CDH8: variants seen among roughly 807,000 people sequenced by gnomAD.
CDH8 encodes cadherin 8, also known as cadherin-8.
In CDH8, 17 loss-of-function variants were observed where a neutral mutation model predicts 68.1. The ratio of observed to expected loss-of-function variants is 0.25; its 90% CI spans 0.17 to 0.37. The LOEUF (loss-of-function observed/expected upper bound fraction) is 0.37, where lower values mean the gene tolerates loss of function less well. CDH8 is among the 10% of genes least tolerant of loss of function. The pLI is 1.00. For synonymous variants in CDH8, 372 were observed against 365.1 expected, an observed-to-expected ratio of 1.02 and a Z score of -0.21; for missense variants, 763 against 999.3, an observed-to-expected ratio of 0.76 and a Z score of 3.19.
intron 4 of CDH8, among the ~76,000 whole-genome samples, chr16:61,827,779 T>C (rs1197272969): frequency 6.6e-6 from 1 of 151,782 alleles, no homozygotes; most frequent in Admixed American, 6.6e-5. Context: ...AGTTGACTCT[T>C]GAACAACACG....
rs533910104 is a variant in CDH8, at chr16:62,017,686, A to G, written c.252+3466T>C. 2.4e-4 allele frequency among the ~76,000 whole-genome samples: 36 copies of G among 152,218 alleles called. 1 individual carries two copies. Among genetic ancestry groups the G allele is most frequent in the African/African-American group, 8.4e-4 (35 of 41,530 alleles). On this transcript the variant is annotated intron_variant, in intron 2 of 11. Coordinates refer to ENST00000577390, the MANE Select transcript of CDH8 (RefSeq NM_001796.5). ...CAAGACCTTATCTTAAAAAGAAACC[A>G]ATATATTTGACCACTAACTTCATTC...
chr16:61,954,398 T>C (rs926742651), intron 2 of CDH8, among the ~76,000 whole-genome samples: 1 of 152,130 alleles, frequency 6.6e-6, no homozygotes, highest in Non-Finnish European at 1.5e-5. Flanking sequence ...GTTTTAAATA[T>C]CTTTGTATCC....
chr16:61,837,032 T>C (rs1962583452), intron 4 of CDH8, among the ~76,000 whole-genome samples: 2 of 152,078 alleles, frequency 1.3e-5, no homozygotes, highest in South Asian at 4.1e-4. Flanking sequence ...ACAAGTCCTG[T>C]TTTTGAAATC....
At chr16:61,732,447 G>A (rs1357284165) in intron 8 of CDH8, among the ~76,000 whole-genome samples, 1 of 151,820 alleles carries the variant, frequency 6.6e-6, no homozygotes, top group African/African-American at 2.4e-5. Context: ...TAAAGGAAGT[G>A]AGAAAACAGT....
chr16:61,693,964 C>A (rs1207169448), intron 10 of CDH8, among the ~76,000 whole-genome samples: 1 of 152,048 alleles, frequency 6.6e-6, no homozygotes, highest in Non-Finnish European at 1.5e-5. Context: ...AATGCTTTAC[C>A]TCATTATCAT....
At chr16:61,908,767 A>G (rs1262032248) in intron 2 of CDH8, among the ~76,000 whole-genome samples, 1 of 152,192 alleles carries the variant, frequency 6.6e-6, no homozygotes, top group Non-Finnish European at 1.5e-5. Flanking sequence ...AATCTAAATA[A>G]GGCAAATATA....
chr16:61,757,411 T>C (rs1327265140), intron 8 of CDH8, among the ~76,000 whole-genome samples: 1 of 152,132 alleles, frequency 6.6e-6, no homozygotes, highest in Non-Finnish European at 1.5e-5. Flanking sequence ...GATAAAATAT[T>C]ATCATTTGAT....
In CDH8 at chr16:61,666,514, T is replaced by C. The variant is rs556480732; in HGVS notation, c.1655-10793A>G. On this transcript the variant is annotated intron_variant, in intron 10 of 11. Transcript: ENST00000577390. ...CTATTTATTTAAAATTATTGAGCTA[T>C]GACTTTTGGTTGTCCTTTTAGATGC... is the stretch of plus-strand genomic sequence containing the variant. 3.1e-3 allele frequency among the ~76,000 whole-genome samples: 474 copies of C among 152,122 alleles called. 2 individuals are homozygous for C. Among genetic ancestry groups the C allele is most frequent in the African/African-American group, 0.011 (452 of 41,532 alleles).
rs1963145774 is a variant in CDH8, at chr16:61,861,331, T to A, written c.548-4093A>T. Among the ~76,000 whole-genome samples, 5 of 152,340 alleles carry A rather than the reference T, an allele frequency of 3.3e-5. No homozygotes were observed. The South Asian group carries it at 8.3e-4, about 25-fold the overall frequency. ...TACTTTGAAGAACTACTATTCAGAT[T>A]CGTTTGTAAAGTGAAGTATTCTTTT... is the stretch of plus-strand genomic sequence containing the variant. On this transcript the variant is annotated intron_variant, in intron 3 of 11. Transcript: ENST00000577390.
intron 4 of CDH8, among the ~76,000 whole-genome samples, chr16:61,832,537 G>C (rs1404086633): frequency 1.3e-5 from 2 of 151,738 alleles, no homozygotes; most frequent in East Asian, 3.9e-4. Context: ...AAGTGAATCA[G>C]CAATCAAAAG....
At chr16:61,793,866 A>C (rs1398376664) in intron 7 of CDH8, among the ~76,000 whole-genome samples, 7 of 152,174 alleles carry the variant, frequency 4.6e-5, no homozygotes, top group African/African-American at 1.7e-4. Context: ...TCATATTCCC[A>C]CTAACAGAAG....
chr16:61,712,120 A>C (rs1004946599), intron 10 of CDH8, among the ~76,000 whole-genome samples: 4 of 151,748 alleles, frequency 2.6e-5, no homozygotes, highest in African/African-American at 9.7e-5. Context: ...GTTTATCATA[A>C]TGTGTGATGA....
At chr16:62,020,494 G>A (rs907096856) in intron 2 of CDH8, among the ~76,000 whole-genome samples, 73 of 83,266 alleles carry the variant, frequency 8.8e-4, no homozygotes, top group Middle Eastern at 5.6e-3. Context: ...ACACACGCGC[G>A]CGCGCACACA....
intron 2 of CDH8, among the ~76,000 whole-genome samples, chr16:62,009,377 C>G (rs8055175): frequency 6.6e-6 from 1 of 152,164 alleles, no homozygotes; most frequent in Non-Finnish European, 1.5e-5. Context: ...TCAGGGAAGT[C>G]ACTGCACAGA....
chr16:61,694,882 C>A (rs148467580), intron 10 of CDH8, among the ~76,000 whole-genome samples: 8,855 of 151,726 alleles, frequency 0.058, 902 homozygotes, highest in African/African-American at 0.2. Flanking sequence ...CCTGGGTTCA[C>A]GTGATTCTCC....
chr16:61,920,086 T>C (rs75920334), intron 2 of CDH8, among the ~76,000 whole-genome samples: 1 of 147,166 alleles, frequency 6.8e-6, no homozygotes, highest in Non-Finnish European at 1.5e-5. Context: ...TCCTTACACC[T>C]TATACAAAAA....
Position 61,893,756 on chromosome 16 carries a change from G to A in CDH8, c.547+7423C>T, listed in dbSNP as rs977947063. Reference sequence around the variant, plus strand: ...ATCGTGACCAAGTGTCAGATAATCTGAGCATCAGGATAAATAACTCAACCT... The same window carrying A: ...ATCGTGACCAAGTGTCAGATAATCTAAGCATCAGGATAAATAACTCAACCT... On this transcript the variant is annotated intron_variant, in intron 3 of 11. Transcript: ENST00000577390. Among the ~76,000 whole-genome samples the A allele has an allele frequency of 2.0e-5, 3 of 152,076 alleles. 1 individual carries two copies. The South Asian group carries it at 6.2e-4, about 32-fold the overall frequency.
At chr16:61,760,979 T>C (rs1307812837) in intron 8 of CDH8, among the ~76,000 whole-genome samples, 3 of 152,150 alleles carry the variant, frequency 2.0e-5, no homozygotes, top group Non-Finnish European at 4.4e-5. Context: ...AGAGTATCAA[T>C]TTGCAGATCT....
intron 3 of CDH8, among the ~76,000 whole-genome samples, chr16:61,858,612 G>T (rs1179573841): frequency 2.0e-5 from 3 of 152,206 alleles, no homozygotes; most frequent in Non-Finnish European, 2.9e-5. Flanking sequence ...TAGACTCTGA[G>T]ATAAAGACTT....
Sources: allele counts gnomAD v4.1 joint callset (sites outside exome capture counted in the v4.1 genomes callset), GRCh38; gene constraint gnomAD v4.1.1; transcripts MANE v1.5; gene names NCBI Gene and HGNC (gene_info 2026-07-23, HGNC 2026-07-21).